SLC25A12: variants seen among roughly 807,000 people sequenced by gnomAD.
SLC25A12 encodes the protein solute carrier family 25 member 12, also known as electrogenic aspartate/glutamate antiporter SLC25A12, mitochondrial.
Under a neutral mutation model 83.3 loss-of-function variants are expected in SLC25A12, and 32 were observed. The observed-to-expected ratio is 0.38, with a 90% CI of 0.29 to 0.52. SLC25A12 has a LOEUF of 0.52. SLC25A12 is among the 20% of genes least tolerant of loss of function. The probability of loss-of-function intolerance (pLI) is 0.84; values close to 1 mark genes in which losing one functional copy is unlikely to be tolerated. For missense variants in SLC25A12, 611 were observed against 835.6 expected (o/e 0.73, Z 3.31); for synonymous variants, 267 against 291.1 (o/e 0.92, Z 0.84).
chr2:171,816,579 G>C (rs942080877), intron 9 of SLC25A12, among the ~76,000 whole-genome samples: 3 of 151,876 alleles, frequency 2.0e-5, no homozygotes, highest in Non-Finnish European at 4.4e-5. Context: ...TATTGTTGTA[G>C]TGTTATTTTT....
intron 15 of SLC25A12, chr2:171,788,722 G>C (rs1558905663): frequency 2.0e-5 from 3 of 152,472 alleles, no homozygotes; most frequent in African/African-American, 7.2e-5. Context: ...AATTTGGCCT[G>C]AATATCACTG....
At chr2:171,791,611 G>A (rs781305353) in intron 14 of SLC25A12, 22 bp from the exon 15 acceptor site, 17 of 1,611,792 alleles carry the variant, frequency 1.1e-5, no homozygotes, top group African/African-American at 2.7e-5. Context: ...TGAGGAAATA[G>A]TGCAAAACAG....
At position 171,861,127 on chromosome 2, in the gene SLC25A12, AAAT is replaced by A. The variant is rs531064562; in HGVS notation, c.210-5181_210-5179del. 2.8e-3 allele frequency among the ~76,000 whole-genome samples: 426 copies of A among 150,774 alleles called. 5 individuals are homozygous for A. Among genetic ancestry groups the A allele is most frequent in the African/African-American group, 0.01 (414 of 41,256 alleles). On this transcript the variant is annotated intron_variant, in intron 3 of 17. Transcript: ENST00000422440. ...ATAATAAAAATAAAAATAAATAATA[AAAT>A]AATAATAATAATATAATCTCTGTGG...
intron 9 of SLC25A12, among the ~76,000 whole-genome samples, chr2:171,821,175 G>A (rs1210516599): frequency 6.6e-6 from 1 of 151,534 alleles, no homozygotes; most frequent in African/African-American, 2.4e-5. Flanking sequence ...GACTATAGGT[G>A]TGCACCACTA....
chr2:171,787,345 C>T (rs1034087886), intron 17 of SLC25A12, among the ~76,000 whole-genome samples: 6 of 152,130 alleles, frequency 3.9e-5, no homozygotes, highest in South Asian at 2.1e-4. Context: ...TTTGCTGCTT[C>T]CCTAAAATCC....
intron 13 of SLC25A12, among the ~76,000 whole-genome samples, chr2:171,805,195 A>G (rs1036192954): frequency 1.3e-4 from 19 of 150,298 alleles, no homozygotes; most frequent in African/African-American, 3.7e-4. Context: ...TGCAACCTCC[A>G]CCTCCTGGGT....
intron 2 of SLC25A12, among the ~76,000 whole-genome samples, chr2:171,877,704 T>A (rs188211582): frequency 1.3e-5 from 2 of 148,964 alleles, no homozygotes; most frequent in Non-Finnish European, 3.0e-5. Context: ...GTATGCAACC[T>A]ATATTATTAT....
rs147855036 is a variant in SLC25A12 at position 171,835,527 on chromosome 2, G to A, written c.613-662C>T. On this transcript the variant is annotated intron_variant, in intron 6 of 17. Transcript: ENST00000422440. ...GAGGCTCCCTCATGCCTGAGATGGCGGGCAACGTGGCCTTCATTACCTCTG... is the reference window on the plus strand; with the variant it reads ...GAGGCTCCCTCATGCCTGAGATGGCAGGCAACGTGGCCTTCATTACCTCTG... Among the ~76,000 whole-genome samples, 620 of 152,272 alleles carry A rather than the reference G, an allele frequency of 4.1e-3. 2 individuals carry two copies. Among genetic ancestry groups the A allele is most frequent in the Non-Finnish European group, 5.5e-3 (372 of 68,018 alleles).
rs746912537 is a variant in SLC25A12, at chr2:171,802,171, AATTATT to A, written c.1305+7429_1305+7434del. 1.5e-3 allele frequency among the ~76,000 whole-genome samples: 223 copies of A among 152,222 alleles called. 1 individual carries two copies. Among genetic ancestry groups the A allele is most frequent in the Non-Finnish European group, 2.1e-3 (145 of 68,026 alleles). On this transcript the variant is annotated intron_variant, in intron 13 of 17. Coordinates refer to ENST00000422440, the MANE Select transcript of SLC25A12 (RefSeq NM_003705.5). Reference sequence around the variant, plus strand: ...AAAAAAGGGTCAAGCAATTTTAAAAAATTATTATTATTTGTAGAGATGGGGGGTCCC... The same window carrying A: ...AAAAAAGGGTCAAGCAATTTTAAAAAATTATTTGTAGAGATGGGGGGTCCC...
chr2:171,834,999 A>T, intron 6 of SLC25A12, 134 bp from the exon 7 acceptor site: 1 of 920,324 alleles, frequency 1.1e-6, no homozygotes, highest in Non-Finnish European at 1.7e-6. Context: ...GTACATAAAT[A>T]CAAGGAAAGT....
At chr2:171,819,948 C>T (rs145726117) in intron 9 of SLC25A12, among the ~76,000 whole-genome samples, 20 of 152,272 alleles carry the variant, frequency 1.3e-4, no homozygotes, top group African/African-American at 4.8e-4. Flanking sequence ...AGGCCACCAT[C>T]CTTAGCAAAC....
At chr2:171,888,510 C>G (rs186772953) in intron 2 of SLC25A12, among the ~76,000 whole-genome samples, 1 of 152,086 alleles carries the variant, frequency 6.6e-6, no homozygotes, top group Admixed American at 6.5e-5. Context: ...GGCACAATCT[C>G]GGCTCACTGC....
At chr2:171,800,780 AAAAC>A (rs1162370596) in intron 13 of SLC25A12, among the ~76,000 whole-genome samples, 1 of 152,254 alleles carries the variant, frequency 6.6e-6, no homozygotes, top group Admixed American at 6.5e-5. Context: ...AGCAAAATTT[AAAAC>A]AAACACAAAC....
chr2:171,795,207 T>C (rs1405073100), intron 13 of SLC25A12, among the ~76,000 whole-genome samples: 4 of 152,114 alleles, frequency 2.6e-5, no homozygotes, highest in Non-Finnish European at 5.9e-5. Context: ...CAATTTGCTA[T>C]CTCTCTCTCA....
intron 4 of SLC25A12, among the ~76,000 whole-genome samples, chr2:171,845,263 A>G (rs1684769206): frequency 6.6e-6 from 1 of 152,190 alleles, no homozygotes; most frequent in Non-Finnish European, 1.5e-5. Context: ...GCTTGTCTTC[A>G]TGCACTAACA....
At chr2:171,889,820 GTCTGACATTAAT>G (rs767494317) in intron 2 of SLC25A12, among the ~76,000 whole-genome samples, 164 of 152,114 alleles carry the variant, frequency 1.1e-3, no homozygotes, top group Non-Finnish European at 1.7e-3. Context: ...CTACCACATA[GTCTGACATTAAT>G]TTAACCTCAT....
chr2:171,787,709 G>A (rs1187313242), intron 16 of SLC25A12, 48 bp from the exon 17 acceptor site: 3 of 1,607,852 alleles, frequency 1.9e-6, no homozygotes, highest in Non-Finnish European at 2.6e-6. Flanking sequence ...CAGGACAAAT[G>A]TGGTAAAGAT....
chr2:171,851,622 C>T (rs1684935396), intron 4 of SLC25A12, among the ~76,000 whole-genome samples: 1 of 152,174 alleles, frequency 6.6e-6, no homozygotes, highest in African/African-American at 2.4e-5. Context: ...GCAACCTCCA[C>T]CTCCCAGGCT....
chr2:171,884,461 C>T (rs914222528), intron 2 of SLC25A12, among the ~76,000 whole-genome samples: 2 of 150,768 alleles, frequency 1.3e-5, no homozygotes, highest in African/African-American at 2.4e-5. Context: ...TTGTCCACCT[C>T]GCCCCTAGAA....
Sources: gnomAD v4.1 joint callset for allele counts (sites outside exome capture counted in the v4.1 genomes callset) on GRCh38, gnomAD v4.1.1 for gene constraint, MANE v1.5 for transcripts, NCBI Gene and HGNC (gene_info 2026-07-23, HGNC 2026-07-21) for gene names.